Variants in PLEKHH2 observed in about 807,000 individuals in gnomAD.
PLEKHH2 encodes pleckstrin homology, MyTH4 and FERM domain containing H2, also known as pleckstrin homology domain-containing family H member 2.
A neutral mutation model predicts 187.9 loss-of-function variants in PLEKHH2; 129 were observed. That is an observed-to-expected ratio of 0.69 (90% CI 0.59 to 0.79). PLEKHH2 has a LOEUF of 0.79. PLEKHH2 is among the 30% of genes least tolerant of loss of function. PLEKHH2 has a pLI of 0.00. For missense variants in PLEKHH2, 2,076 were observed against 1,751.2 expected (o/e 1.19, Z -3.31); for synonymous variants, 686 against 605.6 (o/e 1.13, Z -1.95).
intron 3 of PLEKHH2, among the ~76,000 whole-genome samples, chr2:43,684,123 C>T (rs1668375378): frequency 6.6e-6 from 1 of 152,170 alleles, no homozygotes; most frequent in African/African-American, 2.4e-5. Flanking sequence ...ATGTATAATG[C>T]TGTGTATCCT....
chr2:43,727,398 G>C (rs1486716620), intron 17 of PLEKHH2, among the ~76,000 whole-genome samples: 55 of 71,902 alleles, frequency 7.6e-4, no homozygotes, highest in African/African-American at 4.2e-3. Flanking sequence ...GCGACAGAGC[G>C]AGACTCCGTC....
intron 1 of PLEKHH2, among the ~76,000 whole-genome samples, chr2:43,637,643 C>T (rs1361523909): frequency 1.3e-5 from 2 of 152,120 alleles, no homozygotes; most frequent in East Asian, 1.9e-4. Context: ...TCCCTCGCGC[C>T]CGTGGGCTCC....
intron 2 of PLEKHH2, among the ~76,000 whole-genome samples, chr2:43,660,632 A>T (rs1307669687): frequency 2.0e-5 from 1 of 51,078 alleles, no homozygotes; most frequent in Non-Finnish European, 3.5e-5. Context: ...CCCCCACCCC[A>T]CCACAGTCCC....
intron 17 of PLEKHH2, among the ~76,000 whole-genome samples, chr2:43,728,339 C>T (rs1271727777): frequency 2.6e-5 from 4 of 151,278 alleles, no homozygotes; most frequent in African/African-American, 4.9e-5. Flanking sequence ...AGTAGCTGGA[C>T]GTGGTGACAG....
intron 19 of PLEKHH2, 117 bp from the exon 20 acceptor site, chr2:43,738,224 A>G (rs1671389151): frequency 2.4e-6 from 2 of 835,268 alleles, no homozygotes; most frequent in East Asian, 5.4e-5. Flanking sequence ...TTATCATAAT[A>G]TATCCTTTTC....
chr2:43,765,903 C>T lies in PLEKHH2; in HGVS notation c.*305C>T, dbSNP rs115319810. On this transcript the variant is annotated 3_prime_UTR_variant, in exon 30 of 30. Coordinates refer to ENST00000282406, the MANE Select transcript of PLEKHH2 (RefSeq NM_172069.4). ...CATTGTGCAATGTGGCTTTTCTTTTCTTTTCTTTTTTTCCCCTTTTTAATA... is the reference window on the plus strand; with the variant it reads ...CATTGTGCAATGTGGCTTTTCTTTTTTTTTCTTTTTTTCCCCTTTTTAATA... 5.7e-3 allele frequency: 1,523 copies of T among 269,244 alleles called. 29 individuals carry two copies. Among genetic ancestry groups the T allele is most frequent in the African/African-American group, 0.031 (1,407 of 45,646 alleles). 16.7% of individuals were successfully genotyped at this position (269,244 alleles called of 1,614,324 possible). A position where few individuals can be genotyped will look rare whatever the true frequency, so the allele number is the denominator to read the frequency against.
intron 20 of PLEKHH2, among the ~76,000 whole-genome samples, chr2:43,740,267 T>C (rs145002812): frequency 2.0e-3 from 304 of 152,312 alleles, no homozygotes; most frequent in Non-Finnish European, 3.6e-3. Context: ...ACAAATGCAG[T>C]GTTTTATAGG....
At chr2:43,649,900 A>C (rs1223242907) in intron 2 of PLEKHH2, among the ~76,000 whole-genome samples, 1 of 152,146 alleles carries the variant, frequency 6.6e-6, no homozygotes, top group African/African-American at 2.4e-5. Context: ...AAACAAATTT[A>C]TTTGTATACA....
chr2:43,659,597 C>T (rs1268436877), intron 2 of PLEKHH2, among the ~76,000 whole-genome samples: 1 of 143,786 alleles, frequency 7.0e-6, no homozygotes, highest in Non-Finnish European at 1.5e-5. Flanking sequence ...GAGACAGTCT[C>T]ACTGCACTGG....
Position 43,745,892 on chromosome 2 carries a change from A to G in PLEKHH2, c.3582A>G (p.Glu1194=). 2 of 1,612,062 alleles carry G rather than the reference A, an allele frequency of 1.2e-6. No individual in the cohort carries two copies. The highest frequency in any genetic ancestry group is 1.7e-6 in the Non-Finnish European group (2 of 1,178,662). The change falls in exon 24 of 30, where the codon GAA becomes GAG. Residue 1194 remains glutamate (E), a synonymous_variant. Coordinates refer to ENST00000282406, the MANE Select transcript of PLEKHH2 (RefSeq NM_172069.4). ...TTTGTGACATTATTTCCAAATGGGA[A>G]CAGGCTTCCAAAGAACAGCAGCCTG... ...IKICDIISKW[E]QASKEQQPGK... is the part of the protein sequence containing the mutation.
chr2:43,668,392 T>C (rs2104394500), intron 2 of PLEKHH2, among the ~76,000 whole-genome samples: 1 of 152,330 alleles, frequency 6.6e-6, no homozygotes, highest in East Asian at 1.9e-4. Flanking sequence ...ATAGTTTAAA[T>C]AAACTTGTTT....
In PLEKHH2 at chr2:43,743,915, C is replaced by T. The variant is rs1323478585; in HGVS notation, c.3481C>T (p.Gln1161Ter). Reference protein sequence around the residue: ...NQDTGMRKPAQSGFALFTDDP... With the variant: ...NQDTGMRKPA ...GGACACAGGAATGAGGAAACCAGCG[C>T]AGTCTGGATTTGCGTTGTTCACTGA... is the stretch of plus-strand genomic sequence containing the variant. The change falls in exon 23 of 30, where the codon CAG becomes TAG. Residue 1161 changes from glutamine (Q) to a stop codon, truncating the protein, a stop_gained. Coordinates refer to ENST00000282406, the MANE Select transcript of PLEKHH2 (RefSeq NM_172069.4). LOFTEE classifies it high-confidence loss of function. 6.2e-7 allele frequency: 1 copy of T among 1,613,972 alleles called. No individual in the cohort carries two copies. The highest frequency in any genetic ancestry group is 1.3e-5 in the African/African-American group (1 of 74,918).
At chr2:43,743,562 T>C (rs985791813) in intron 22 of PLEKHH2, among the ~76,000 whole-genome samples, 3 of 152,198 alleles carry the variant, frequency 2.0e-5, no homozygotes, top group African/African-American at 7.2e-5. Context: ...AAGCATAATA[T>C]CTTTGCAAAA....
intron 28 of PLEKHH2, 97 bp downstream of exon 28, chr2:43,762,487 C>T: frequency 1.1e-6 from 1 of 929,620 alleles, no homozygotes; most frequent in Non-Finnish European, 1.7e-6. Flanking sequence ...TGATTTTTCT[C>T]TTACCCAGGA....
At chr2:43,764,415 A>C (rs775250490) in intron 29 of PLEKHH2, 50 bp downstream of exon 29, 1 of 1,562,172 alleles carries the variant, frequency 6.4e-7, no homozygotes, top group Admixed American at 1.8e-5. Flanking sequence ...GTTTTCACTT[A>C]GTCTTAGCCA....
chr2:43,639,815 C>A (rs1176085937), intron 1 of PLEKHH2, among the ~76,000 whole-genome samples: 1 of 152,032 alleles, frequency 6.6e-6, no homozygotes, highest in Non-Finnish European at 1.5e-5. Flanking sequence ...CACCACCATG[C>A]CTGGCTAATT....
At chr2:43,650,315 T>C (rs1405462329) in intron 2 of PLEKHH2, among the ~76,000 whole-genome samples, 1 of 151,892 alleles carries the variant, frequency 6.6e-6, no homozygotes, top group African/African-American at 2.4e-5. Context: ...GTATTTTTAG[T>C]AGAGATGGGG....
chr2:43,704,892 C>T (rs1027435811), intron 9 of PLEKHH2, among the ~76,000 whole-genome samples: 3 of 152,152 alleles, frequency 2.0e-5, no homozygotes, highest in Non-Finnish European at 2.9e-5. Flanking sequence ...TGTGGGGACT[C>T]AAATACACTC....
chr2:43,644,665 T>G lies in PLEKHH2; in HGVS notation c.-3-6T>G, dbSNP rs779717742. On this transcript the variant is annotated splice_polypyrimidine_tract_variant and splice_region_variant and intron_variant, in intron 1 of 29. Transcript: ENST00000282406. ...AATTTTTTGTTTATTTATTTAATTT[T>G]TTTAGAATATGGCAGAGCTTTCTGA... 1 of 1,524,652 alleles carries G rather than the reference T, an allele frequency of 6.6e-7. No homozygotes were observed. The highest frequency in any genetic ancestry group is 8.8e-7 in the Non-Finnish European group (1 of 1,135,314). The allele number at this position is 1,524,652 out of a possible 1,614,324, so 94.4% of individuals were successfully genotyped here.
Sources: allele counts gnomAD v4.1 joint callset (sites outside exome capture counted in the v4.1 genomes callset), GRCh38; gene constraint gnomAD v4.1.1; transcripts MANE v1.5; gene names NCBI Gene and HGNC (gene_info 2026-07-23, HGNC 2026-07-21).